GRIK5: variants seen among roughly 807,000 people sequenced by gnomAD.
The protein encoded by GRIK5 is glutamate ionotropic receptor kainate type subunit 5, also known as glutamate receptor ionotropic, kainate 5.
GRIK5 carries 43 observed loss-of-function variants against 97.4 expected under a neutral mutation model. The observed-to-expected ratio is 0.44, with a 90% CI of 0.35 to 0.57. GRIK5 has a LOEUF of 0.57. Ranked by LOEUF, GRIK5 falls within the 20% of genes least tolerant of loss-of-function variation. The pLI, the probability that GRIK5 is intolerant of heterozygous loss-of-function variation, is 0.01. For synonymous variants in GRIK5, 580 were observed against 583.5 expected (o/e 0.99, Z 0.09); for missense variants, 1,015 against 1,382.0 (o/e 0.73, Z 4.21).
At chr19:42,054,555 T>C in intron 8 of GRIK5, 83 bp from the exon 9 acceptor site, 1 of 1,476,020 alleles carries the variant, frequency 6.8e-7, no homozygotes, top group Non-Finnish European at 9.2e-7. Flanking sequence ...GCTGCCACCC[T>C]CAAACCCTCA....
At chr19:42,058,254 C>T (rs1412089463) in intron 6 of GRIK5, among the ~76,000 whole-genome samples, 1 of 152,030 alleles carries the variant, frequency 6.6e-6, no homozygotes, top group African/African-American at 2.4e-5. Context: ...AATCTCAGCT[C>T]ACTGCAAGCT....
At chr19:42,050,881 G>C (rs1759193010) in intron 11 of GRIK5, among the ~76,000 whole-genome samples, 1 of 149,766 alleles carries the variant, frequency 6.7e-6, no homozygotes, top group African/African-American at 2.4e-5. Flanking sequence ...TCAGGAGAGG[G>C]AGGGAGGGAG....
chr19:42,009,879 C>T (rs1179895820), intron 15 of GRIK5, among the ~76,000 whole-genome samples: 1 of 150,860 alleles, frequency 6.6e-6, no homozygotes, highest in East Asian at 2.0e-4. Flanking sequence ...CCAGCCTGAC[C>T]AACATGGAGA....
rs190814435 is a variant in GRIK5 at position 42,045,986 on chromosome 19, T to G, written c.1270-3231A>C. Reference sequence around the variant, plus strand: ...GCCAGAGAGAGACGAGGGACCCAGGTTGGGTATCAAAGCTGGAGAATCAGA... The same window carrying G: ...GCCAGAGAGAGACGAGGGACCCAGGGTGGGTATCAAAGCTGGAGAATCAGA... On this transcript the variant is annotated intron_variant, in intron 11 of 19. Coordinates refer to ENST00000593562, the MANE Select transcript of GRIK5 (RefSeq NM_002088.5). 1.6e-4 allele frequency among the ~76,000 whole-genome samples: 25 copies of G among 152,042 alleles called. No homozygotes were observed. The East Asian group carries it at 4.4e-3, about 27-fold the overall frequency.
At chr19:42,040,415 A>G (rs1208952799) in intron 12 of GRIK5, among the ~76,000 whole-genome samples, 1 of 152,222 alleles carries the variant, frequency 6.6e-6, no homozygotes, top group African/African-American at 2.4e-5. Context: ...ATACCAGATG[A>G]AAGAATATTT....
Position 42,005,947 on chromosome 19 carries a change from T to C in GRIK5, c.2039A>G (p.Asn680Ser). The change falls in exon 17 of 20, where the codon AAT becomes AGT. Residue 680 changes from asparagine to serine, a missense_variant and splice_region_variant. Asn to Ser is a conservative substitution (Grantham distance 46). Transcript: ENST00000593562. ...HAGSTMTFFQ[N>S]SRYQTYQRMW... ...GCGCTGGTACGTTTGGTACCGTGAA[T>C]TCTGGGCAGGAGGATCACAAGGGGA... 1 of 1,514,862 alleles carries C rather than the reference T, an allele frequency of 6.6e-7. No individual in the cohort carries two copies. Among genetic ancestry groups the C allele is most frequent in the Non-Finnish European group, 9.1e-7 (1 of 1,099,194 alleles). 93.8% of individuals were successfully genotyped at this position (1,514,862 alleles called of 1,614,324 possible).
At chr19:42,066,913 G>A (rs2076341480) in intron 1 of GRIK5, among the ~76,000 whole-genome samples, 1 of 152,088 alleles carries the variant, frequency 6.6e-6, no homozygotes, top group South Asian at 2.1e-4. Flanking sequence ...CCAGAAGTGG[G>A]TGCCATACCA....
At chr19:42,045,492 C>T (rs1018462056) in intron 11 of GRIK5, among the ~76,000 whole-genome samples, 3 of 152,212 alleles carry the variant, frequency 2.0e-5, no homozygotes, top group East Asian at 1.9e-4. Context: ...AGTTGACCCA[C>T]GGAATCATGC....
chr19:42,059,817 C>T (rs1267540808), intron 5 of GRIK5, among the ~76,000 whole-genome samples: 2 of 152,116 alleles, frequency 1.3e-5, no homozygotes, highest in African/African-American at 4.8e-5. Context: ...TCTCCTTGCT[C>T]AACCACCACG....
At chr19:42,019,507 A>C (rs2075671435) in intron 15 of GRIK5, among the ~76,000 whole-genome samples, 1 of 152,212 alleles carries the variant, frequency 6.6e-6, no homozygotes, top group Non-Finnish European at 1.5e-5. Context: ...GGCCCCGCCC[A>C]CCAGCACCAA....
At chr19:42,060,293 C>T (rs1244277894) in intron 5 of GRIK5, among the ~76,000 whole-genome samples, 5 of 151,816 alleles carry the variant, frequency 3.3e-5, no homozygotes, top group African/African-American at 1.2e-4. Context: ...CCAGGCTCTG[C>T]TCTTGGTATT....
rs1381717861 is a variant in GRIK5 at position 41,998,524 on chromosome 19, G to C, written c.*347C>G. 6.5e-6 allele frequency: 1 copy of C among 153,256 alleles called. No homozygotes were observed. The highest frequency in any genetic ancestry group is 1.5e-5 in the Non-Finnish European group (1 of 68,788). The allele number at this position is 153,256 out of a possible 1,614,324, so 9.5% of individuals were successfully genotyped here. On this transcript the variant is annotated 3_prime_UTR_variant, in exon 20 of 20. Coordinates refer to ENST00000593562, the MANE Select transcript of GRIK5 (RefSeq NM_002088.5). ...AGGCCCTCCCCACCTCCAGAAGCGT[G>C]GGGGGCTGCGTCAAGTCTTGGGGAG... is the stretch of plus-strand genomic sequence containing the variant.
Position 42,042,417 on chromosome 19 carries a change from G to C in GRIK5, c.1473+135C>G. 1 of 742,508 alleles carries C rather than the reference G, an allele frequency of 1.3e-6. No individual in the cohort carries two copies. 46.0% of individuals were successfully genotyped at this position (742,508 alleles called of 1,614,324 possible). On this transcript the variant is annotated intron_variant, in intron 12 of 19. Coordinates refer to ENST00000593562, the MANE Select transcript of GRIK5 (RefSeq NM_002088.5). This position sits in a 1 kb window ranked among gnomAD's most constrained non-coding sequence, Gnocchi z 6.9. The stretch of plus-strand genomic sequence containing the variant: ...TACAGCGCAACATCAGTGAGGTGGT[G>C]TCAGGGGCCCTTCATGGCTCCTTCC...
chr19:42,052,235 G>C (rs917050453), intron 11 of GRIK5, among the ~76,000 whole-genome samples: 4 of 152,082 alleles, frequency 2.6e-5, no homozygotes, highest in Non-Finnish European at 1.5e-5. Context: ...AAGCTCCCAG[G>C]GTCACAGCTC....
intron 12 of GRIK5, among the ~76,000 whole-genome samples, chr19:42,025,072 GA>G (rs1450291787): frequency 6.6e-6 from 1 of 152,156 alleles, no homozygotes; most frequent in African/African-American, 2.4e-5. Context: ...TGAAACCCAG[GA>G]ATGTTGCTGC....
At chr19:42,059,606 T>A in intron 5 of GRIK5, 79 bp from the exon 6 acceptor site, 1 of 1,231,674 alleles carries the variant, frequency 8.1e-7, no homozygotes, top group East Asian at 2.4e-5. Flanking sequence ...CTCCTCAACA[T>A]GGGGCAGCTG....
rs1208099678 is a variant in GRIK5, at chr19:42,016,936, GT to G, written c.1871+4364del. On this transcript the variant is annotated intron_variant, in intron 15 of 19. Transcript: ENST00000593562. ...ACTCCTTGGTACATTAAAAACCCAA[GT>G]TTTTTTTTTTTGCATGATTATAATA... Among the ~76,000 whole-genome samples the G allele has an allele frequency of 3.7e-3, 544 of 146,662 alleles. 4 individuals carry two copies. Among genetic ancestry groups the G allele is most frequent in the African/African-American group, 0.011 (448 of 40,064 alleles).
intron 12 of GRIK5, among the ~76,000 whole-genome samples, chr19:42,035,703 C>T (rs958699148): frequency 6.6e-6 from 1 of 152,110 alleles, no homozygotes; most frequent in Non-Finnish European, 1.5e-5. Flanking sequence ...GAGCCAGACT[C>T]TGTCTCAAAA....
chr19:42,012,736 A>C (rs543032966), intron 15 of GRIK5, among the ~76,000 whole-genome samples: 1 of 152,076 alleles, frequency 6.6e-6, no homozygotes, highest in Admixed American at 6.5e-5. Flanking sequence ...ACTGGGTGGC[A>C]CGTGCCTGTG....
Sources: gnomAD v4.1 joint callset for allele counts (sites outside exome capture counted in the v4.1 genomes callset) on GRCh38, gnomAD v4.1.1 for gene constraint, Gnocchi (gnomAD v3.1) non-coding constraint, MANE v1.5 for transcripts, NCBI Gene and HGNC (gene_info 2026-07-23, HGNC 2026-07-21) for gene names.